The following NMT1 variants were observed in gnomAD, a reference collection of about 807,000 sequenced individuals.
NMT1 encodes N-myristoyltransferase 1, also known as glycylpeptide N-tetradecanoyltransferase 1.
In NMT1, 12 loss-of-function variants were observed where a neutral mutation model predicts 63.4. That is an observed-to-expected ratio of 0.19 (90% CI 0.12 to 0.31). The LOEUF (loss-of-function observed/expected upper bound fraction) is 0.31. NMT1 is among the 10% of genes least tolerant of loss of function. The probability of loss-of-function intolerance (pLI) is 1.00; values close to 1 mark genes in which losing one functional copy is unlikely to be tolerated. For missense variants in NMT1, 432 were observed against 634.6 expected, an observed-to-expected ratio of 0.68 and a Z score of 3.43; for synonymous variants, 228 against 234.3, an observed-to-expected ratio of 0.97 and a Z score of 0.25.
intron 8 of NMT1, 117 bp from the exon 9 acceptor site, chr17:45,102,834 G>C: frequency 1.1e-6 from 1 of 896,662 alleles, no homozygotes; most frequent in Non-Finnish European, 1.7e-6. Flanking sequence ...ATGCACGGGG[G>C]TGCAGGGAGC....
chr17:45,073,009 T>C (rs1358429624), intron 1 of NMT1, among the ~76,000 whole-genome samples: 1 of 152,194 alleles, frequency 6.6e-6, no homozygotes, highest in African/African-American at 2.4e-5. Flanking sequence ...TTTTGGGCTC[T>C]AGCTTTTCAA....
intron 1 of NMT1, 69 bp from the exon 2 acceptor site, chr17:45,081,575 C>A: frequency 7.4e-7 from 1 of 1,351,404 alleles, no homozygotes; most frequent in Non-Finnish European, 1.0e-6. Context: ...CCACAGAAAG[C>A]TCTTTGTCAG....
intron 3 of NMT1, among the ~76,000 whole-genome samples, chr17:45,091,544 A>C (rs1246561484): frequency 6.6e-6 from 1 of 152,216 alleles, no homozygotes; most frequent in Non-Finnish European, 1.5e-5. Flanking sequence ...TTCAGGGGGA[A>C]AAAAAGAAGG....
At chr17:45,077,396 T>C (rs1465295994) in intron 1 of NMT1, among the ~76,000 whole-genome samples, 1 of 152,166 alleles carries the variant, frequency 6.6e-6, no homozygotes, top group Non-Finnish European at 1.5e-5. Flanking sequence ...AGGTCTTGTT[T>C]GTTTGTTTTT....
At position 45,061,492 on chromosome 17, in the gene NMT1, C is replaced by T. The variant is rs190272060; in HGVS notation, c.131+32C>T. On this transcript the variant is annotated intron_variant, in intron 1 of 11. Transcript: ENST00000258960. Reference sequence around the variant, plus strand: ...AAATCCTCGGAGTCCAATTCCCGTCCAGCCTCCCACAACCTGGGTCTCTGG... The same window carrying T: ...AAATCCTCGGAGTCCAATTCCCGTCTAGCCTCCCACAACCTGGGTCTCTGG... 1.4e-4 allele frequency: 221 copies of T among 1,599,698 alleles called. 1 individual carries two copies. In the African/African-American group the frequency reaches 2.6e-3, roughly 19 times the overall value.
rs141266328 is a variant in NMT1, at chr17:45,066,716, T to A, written c.131+5256T>A. Among the ~76,000 whole-genome samples the A allele has an allele frequency of 1.7e-3, 252 of 152,248 alleles. 4 individuals are homozygous for A. The highest frequency in any genetic ancestry group is 5.9e-3 in the African/African-American group (246 of 41,538). On this transcript the variant is annotated intron_variant, in intron 1 of 11. Coordinates refer to ENST00000258960, the MANE Select transcript of NMT1 (RefSeq NM_021079.5). ...AAAATTTTTTAATTTAATTTTAAAA[T>A]TATTGTTATTACTTTGGAAACAGGG...
At chr17:45,080,582 C>T (rs1305201016) in intron 1 of NMT1, among the ~76,000 whole-genome samples, 2 of 150,802 alleles carry the variant, frequency 1.3e-5, no homozygotes, top group African/African-American at 4.9e-5. Context: ...CATTCTCCTG[C>T]CTCAGCCTCC....
Position 45,108,346 on chromosome 17 carries a change from C to T in NMT1, c.*2707C>T, listed in dbSNP as rs2054217293. The stretch of plus-strand genomic sequence containing the variant: ...GGCCTGTATAGGGCTCGTTTCCCCA[C>T]ACATGCCTATTTCTGAAGAGGCTTC... On this transcript the variant is annotated 3_prime_UTR_variant, in exon 12 of 12. Coordinates refer to ENST00000258960, the MANE Select transcript of NMT1 (RefSeq NM_021079.5). 1 of 152,264 alleles carries T rather than the reference C, an allele frequency of 6.6e-6. No homozygotes were observed. The highest frequency in any genetic ancestry group is 1.5e-5 in the Non-Finnish European group (1 of 68,052). The allele number at this position is 152,264 out of a possible 1,614,324, so 9.4% of individuals were successfully genotyped here.
intron 6 of NMT1, among the ~76,000 whole-genome samples, 179 bp downstream of exon 6, chr17:45,097,423 G>A (rs1453445417): frequency 1.3e-5 from 2 of 152,104 alleles, no homozygotes; most frequent in Admixed American, 6.5e-5. Context: ...TCTGCTCAGA[G>A]TCCCAGCCAG....
intron 1 of NMT1, among the ~76,000 whole-genome samples, chr17:45,073,958 TCCAGTAAGACTGAGAGGAGG>T (rs1177811901): frequency 6.6e-6 from 1 of 152,172 alleles, no homozygotes; most frequent in Non-Finnish European, 1.5e-5. Flanking sequence ...GATTGCATCA[TCCAGTAAGACTGAGAGGAGG>T]CCCACATATG....
chr17:45,108,131 C>T lies in NMT1; in HGVS notation c.*2492C>T, dbSNP rs1044812746. Reference sequence around the variant, plus strand: ...AGGACCCTGAGGCCTTCACGCTAACCGTCCTCGAGCAACTGCTGTTGGAAG... The same window carrying T: ...AGGACCCTGAGGCCTTCACGCTAACTGTCCTCGAGCAACTGCTGTTGGAAG... On this transcript the variant is annotated 3_prime_UTR_variant, in exon 12 of 12. Transcript: ENST00000258960. The T allele has an allele frequency of 2.0e-5, 3 of 152,304 alleles. No homozygotes were observed. Among genetic ancestry groups the T allele is most frequent in the African/African-American group, 2.4e-5 (1 of 41,448 alleles). The allele number at this position is 152,304 out of a possible 1,614,324, so 9.4% of individuals were successfully genotyped here.
chr17:45,061,672 T>C (rs2053861161), intron 1 of NMT1: 2 of 513,950 alleles, frequency 3.9e-6, no homozygotes, highest in South Asian at 4.7e-5. Context: ...TCAGTACTTT[T>C]ATTATATAAA....
intron 4 of NMT1, among the ~76,000 whole-genome samples, chr17:45,094,809 C>T (rs1469057213): frequency 1.4e-5 from 2 of 140,456 alleles, no homozygotes; most frequent in Admixed American, 7.3e-5. Context: ...AGCCACTAGG[C>T]CTGGCTTTTT....
chr17:45,088,034 A>G (rs2054065606), intron 3 of NMT1, among the ~76,000 whole-genome samples: 1 of 152,256 alleles, frequency 6.6e-6, no homozygotes, highest in African/African-American at 2.4e-5. Context: ...TCTGCTCTAG[A>G]GCGGATGCAG....
intron 7 of NMT1, 188 bp downstream of exon 7, chr17:45,098,740 C>A: frequency 1.8e-6 from 1 of 555,940 alleles, no homozygotes; most frequent in Non-Finnish European, 3.2e-6. Context: ...GTAGGGATGG[C>A]AGATTGGCAA....
Position 45,105,710 on chromosome 17 carries a change from G to A in NMT1, c.*71G>A. Reference sequence around the variant, plus strand: ...CAGGAAATGGAACCCCACCACTGTTGGTCCAATTTTCACACACGTGAGAAT... The same window carrying A: ...CAGGAAATGGAACCCCACCACTGTTAGTCCAATTTTCACACACGTGAGAAT... On this transcript the variant is annotated 3_prime_UTR_variant, in exon 12 of 12. Transcript: ENST00000258960. The surrounding 1 kb of genome is among the most constrained non-coding windows in gnomAD (Gnocchi z 4.2). 6.7e-7 allele frequency: 1 copy of A among 1,486,622 alleles called. No homozygotes were observed. Among genetic ancestry groups the A allele is most frequent in the Non-Finnish European group, 9.3e-7 (1 of 1,070,782 alleles). 92.1% of individuals were successfully genotyped at this position (1,486,622 alleles called of 1,614,324 possible). A position where few individuals can be genotyped will look rare whatever the true frequency, so the allele number is the denominator to read the frequency against.
chr17:45,090,612 C>T (rs543447677), intron 3 of NMT1, among the ~76,000 whole-genome samples: 5 of 152,236 alleles, frequency 3.3e-5, no homozygotes, highest in African/African-American at 7.2e-5. Context: ...TAATGTTTTC[C>T]GCATCTCAGA....
rs577843257 is a variant in NMT1 at position 45,103,444 on chromosome 17, T to G, written c.1165-265T>G. Among the ~76,000 whole-genome samples, 1 of 152,258 alleles carries G rather than the reference T, an allele frequency of 6.6e-6. No individual in the cohort carries two copies. Among genetic ancestry groups the G allele is most frequent in the Non-Finnish European group, 1.5e-5 (1 of 68,020 alleles). On this transcript the variant is annotated intron_variant, in intron 9 of 11. Coordinates refer to ENST00000258960, the MANE Select transcript of NMT1 (RefSeq NM_021079.5). The surrounding 1 kb of genome is among the most constrained non-coding windows in gnomAD (Gnocchi z 4.8). ...CTGACCAGACATAGGAGACACAGTC[T>G]GGGGGGATGTGAGCTGCAAGAAGAG...
chr17:45,085,783 G>A (rs920770572), intron 2 of NMT1, among the ~76,000 whole-genome samples: 57 of 151,692 alleles, frequency 3.8e-4, no homozygotes, highest in Admixed American at 3.3e-4. Flanking sequence ...TAGGACAGAG[G>A]AACCAAACCC....
Sources: allele counts gnomAD v4.1 joint callset (sites outside exome capture counted in the v4.1 genomes callset), GRCh38; gene constraint gnomAD v4.1.1; non-coding constraint Gnocchi (gnomAD v3.1); transcripts MANE v1.5; gene names NCBI Gene and HGNC (gene_info 2026-07-23, HGNC 2026-07-21).